Variants in GALNT2 observed in about 807,000 individuals in gnomAD.
GALNT2 encodes the protein UDP-GalNAc:polypeptide N-acetylgalactosaminyltransferase 2.
GALNT2 carries 31 observed loss-of-function variants against 81.4 expected under a neutral mutation model. That is an observed-to-expected ratio of 0.38 (90% CI 0.29 to 0.51). GALNT2 has a LOEUF of 0.51. Among genes scored for constraint, GALNT2 ranks in the 20% least tolerant of loss-of-function variants. The pLI is 0.87. For missense variants in GALNT2, 629 were observed against 765.7 expected, an observed-to-expected ratio of 0.82 and a Z score of 2.11; for synonymous variants, 303 against 287.4, an observed-to-expected ratio of 1.05 and a Z score of -0.55.
intron 2 of GALNT2, among the ~76,000 whole-genome samples, chr1:230,179,537 A>G (rs764058524): frequency 1.6e-4 from 25 of 152,042 alleles, no homozygotes; most frequent in Admixed American, 3.9e-4. Flanking sequence ...TTTATTTCCA[A>G]TTCTCTAATG....
At position 230,109,021 on chromosome 1, in the gene GALNT2, C is replaced by G. The variant is rs140300062; in HGVS notation, c.126+41615C>G. On this transcript the variant is annotated intron_variant, in intron 1 of 15. Transcript: ENST00000366672. The stretch of plus-strand genomic sequence containing the variant: ...TAGAGCAGGATATATATGTTAGAAA[C>G]AAAGTTTCGCGAACAGTGCAAACGT... 2.0e-3 allele frequency among the ~76,000 whole-genome samples: 304 copies of G among 152,342 alleles called. 1 individual carries two copies. The Middle Eastern group carries it at 0.024, about 12-fold the overall frequency.
At chr1:230,152,568 A>G (rs757196712) in intron 1 of GALNT2, among the ~76,000 whole-genome samples, 1 of 152,206 alleles carries the variant, frequency 6.6e-6, no homozygotes, top group African/African-American at 2.4e-5. Flanking sequence ...ATTTAAATAC[A>G]TGGTTTGGGG....
At chr1:230,080,490 C>T (rs1407440791) in intron 1 of GALNT2, among the ~76,000 whole-genome samples, 4 of 152,130 alleles carry the variant, frequency 2.6e-5, no homozygotes, top group Non-Finnish European at 4.4e-5. Flanking sequence ...CTAGCATCAG[C>T]AGGTTGCCAG....
At chr1:230,242,051 T>C (rs1448560999) in intron 6 of GALNT2, among the ~76,000 whole-genome samples, 3 of 152,134 alleles carry the variant, frequency 2.0e-5, no homozygotes, top group Non-Finnish European at 4.4e-5. Flanking sequence ...TCCTTCAGTT[T>C]CCAGATACCA....
At chr1:230,187,632 C>G (rs959357358) in intron 2 of GALNT2, among the ~76,000 whole-genome samples, 41 of 152,196 alleles carry the variant, frequency 2.7e-4, no homozygotes, top group African/African-American at 9.2e-4. Flanking sequence ...CATCCACCCT[C>G]TTGGTACCTG....
chr1:230,148,119 C>T (rs916829717), intron 1 of GALNT2, among the ~76,000 whole-genome samples: 2 of 152,150 alleles, frequency 1.3e-5, no homozygotes, highest in Non-Finnish European at 2.9e-5. Context: ...CCACACTCTT[C>T]CCCATCCCGC....
At chr1:230,141,368 A>G (rs12145728) in intron 1 of GALNT2, among the ~76,000 whole-genome samples, 43,673 of 152,124 alleles carry the variant, frequency 0.29, 6,811 homozygotes, top group Admixed American at 0.42. Flanking sequence ...CCTTAAATTT[A>G]CAGCTCAGTA....
At chr1:230,191,726 T>C (rs1472911974) in intron 2 of GALNT2, among the ~76,000 whole-genome samples, 1 of 152,258 alleles carries the variant, frequency 6.6e-6, no homozygotes, top group African/African-American at 2.4e-5. Flanking sequence ...TTCCCCAGGC[T>C]GATCTCAAAC....
At chr1:230,245,541 T>C (rs6688678) in intron 7 of GALNT2, among the ~76,000 whole-genome samples, 5,470 of 152,260 alleles carry the variant, frequency 0.036, 298 homozygotes, top group East Asian at 0.2. Context: ...AATCTCTGGT[T>C]GATTTGGTTA....
chr1:230,166,700 A>T (rs754403791), intron 1 of GALNT2, among the ~76,000 whole-genome samples: 2 of 152,124 alleles, frequency 1.3e-5, no homozygotes, highest in African/African-American at 4.8e-5. Context: ...CTTTCCCCCA[A>T]CTTCCTTGCT....
At chr1:230,162,224 A>C (rs150829758) in intron 1 of GALNT2, among the ~76,000 whole-genome samples, 2 of 152,308 alleles carry the variant, frequency 1.3e-5, no homozygotes, top group Non-Finnish European at 2.9e-5. Flanking sequence ...CCAGCACTTA[A>C]TTCATCTGGT....
At chr1:230,230,391 G>A (rs1050661253) in intron 3 of GALNT2, among the ~76,000 whole-genome samples, 2 of 152,188 alleles carry the variant, frequency 1.3e-5, no homozygotes, top group African/African-American at 2.4e-5. Flanking sequence ...CATGATCCTC[G>A]TGTTGTTTGT....
chr1:230,265,772 C>A (rs938816790), intron 14 of GALNT2, among the ~76,000 whole-genome samples: 1 of 152,244 alleles, frequency 6.6e-6, no homozygotes, highest in African/African-American at 2.4e-5. Context: ...ACAACAGATT[C>A]TTAACTGTGG....
intron 1 of GALNT2, among the ~76,000 whole-genome samples, chr1:230,081,246 C>T (rs981505104): frequency 6.6e-6 from 1 of 152,146 alleles, no homozygotes; most frequent in South Asian, 2.1e-4. Flanking sequence ...AGGGTCCCCC[C>T]CAGCTGGTGT....
At chr1:230,182,715 C>G (rs1663198774) in intron 2 of GALNT2, among the ~76,000 whole-genome samples, 1 of 152,138 alleles carries the variant, frequency 6.6e-6, no homozygotes, top group Non-Finnish European at 1.5e-5. Context: ...CTGTTTTTGA[C>G]TGAATTAGTC....
chr1:230,246,035 G>C, intron 7 of GALNT2, 28 bp from the exon 8 acceptor site: 4 of 1,588,598 alleles, frequency 2.5e-6, no homozygotes, highest in Non-Finnish European at 3.5e-6. Context: ...CTGGGATTTT[G>C]ATAACTACTC....
intron 1 of GALNT2, among the ~76,000 whole-genome samples, chr1:230,076,915 G>A (rs1406348459): frequency 2.0e-5 from 3 of 152,172 alleles, no homozygotes; most frequent in African/African-American, 7.2e-5. Flanking sequence ...TCAGAGACCA[G>A]TCCAGGGAGT....
In GALNT2 at chr1:230,262,918, C is replaced by T. The variant is rs1180450260; in HGVS notation, c.1230-4C>T. ...TAAAGGAATCTTATTTCCCTCTTCT[C>T]CAGTATTCAGAGCAGATTGGAGCTT... On this transcript the variant is annotated splice_polypyrimidine_tract_variant and splice_region_variant and intron_variant, in intron 12 of 15. Coordinates refer to ENST00000366672, the MANE Select transcript of GALNT2 (RefSeq NM_004481.5). 7.4e-6 allele frequency: 12 copies of T among 1,612,804 alleles called. No homozygotes were observed. The highest frequency in any genetic ancestry group is 9.3e-6 in the Non-Finnish European group (11 of 1,178,878).
chr1:230,122,408 C>T (rs1368249372), intron 1 of GALNT2, among the ~76,000 whole-genome samples: 2 of 152,180 alleles, frequency 1.3e-5, no homozygotes, highest in African/African-American at 4.8e-5. Context: ...TGCTCCGCTG[C>T]TCCTCTCTCT....
Sources: gnomAD v4.1 joint callset for allele counts (sites outside exome capture counted in the v4.1 genomes callset) on GRCh38, gnomAD v4.1.1 for gene constraint, MANE v1.5 for transcripts, NCBI Gene and HGNC (gene_info 2026-07-23, HGNC 2026-07-21) for gene names.